The following USP7 variants were observed in gnomAD, a reference collection of about 807,000 sequenced individuals.
The protein encoded by USP7 is ubiquitin specific peptidase 7.
Under a neutral mutation model 162.9 loss-of-function variants are expected in USP7, and 9 were observed. The ratio of observed to expected loss-of-function variants is 0.06; its 90% confidence interval spans 0.03 to 0.10. The LOEUF is 0.10. Ranked by LOEUF, USP7 falls within the 10% of genes least tolerant of loss-of-function variation. The pLI is 1.00. For synonymous variants in USP7, 562 were observed against 475.9 expected, an observed-to-expected ratio of 1.18 and a Z score of -2.35; for missense variants, 715 against 1,373.7, an observed-to-expected ratio of 0.52 and a Z score of 7.58.
intron 27 of USP7, 103 bp from the exon 28 acceptor site, chr16:8,895,253 ATTT>A: frequency 6.4e-7 from 1 of 1,559,984 alleles, no homozygotes; most frequent in Non-Finnish European, 8.7e-7. Context: ...GGTAAAGCCT[ATTT>A]TTGCTAAAAA....
chr16:8,909,369 G>T (rs1257092120), intron 11 of USP7, among the ~76,000 whole-genome samples: 2 of 152,144 alleles, frequency 1.3e-5, no homozygotes, highest in African/African-American at 4.8e-5. Context: ...ATATGCCAAG[G>T]TTCTTTGGTG....
Position 8,922,202 on chromosome 16 carries a change from A to G in USP7, c.384-907T>C, listed in dbSNP as rs544070739. 9.8e-5 allele frequency among the ~76,000 whole-genome samples: 15 copies of G among 152,356 alleles called. No individual in the cohort carries two copies. In the South Asian group the frequency reaches 3.1e-3, roughly 32 times the overall value. On this transcript the variant is annotated intron_variant, in intron 3 of 30. Transcript: ENST00000344836. ...TACCTTAAACATTAAAGAAAATGAA[A>G]GTACGGCCAGGTGCGCTGGCTCACG...
At chr16:8,917,190 G>A in intron 6 of USP7, 34 bp from the exon 7 acceptor site, 1 of 1,568,908 alleles carries the variant, frequency 6.4e-7, no homozygotes, top group Non-Finnish European at 8.6e-7. Flanking sequence ...TTTTTACTCT[G>A]AGAAGATGCA....
Position 8,917,084 on chromosome 16 carries a change from A to G in USP7, c.793T>C (p.Tyr265His), listed in dbSNP as rs2141203991. 1.2e-6 allele frequency: 2 copies of G among 1,613,714 alleles called. No homozygotes were observed. Among genetic ancestry groups the G allele is most frequent in the Non-Finnish European group, 1.7e-6 (2 of 1,179,928 alleles). ...SVPLALQRVF[Y>H]ELQHSDKPVG... is the part of the protein sequence containing the mutation. ...GGTTTATCACTATGCTGTAATTCAT[A>G]GAACACTCTTTGTAATGCTAAAGGG... Residue 265 changes from tyrosine to histidine, a missense_variant, in exon 7 of 31, where the codon TAT becomes CAT. Transcript: ENST00000344836.
rs139520157 is a variant in USP7 at position 8,922,280 on chromosome 16, G to A, written c.383+935C>T. On this transcript the variant is annotated intron_variant, in intron 3 of 30. Transcript: ENST00000344836. ...GAGACAGGCAGATCACCTGAGGTCA[G>A]GAGTTCGAGACCAGCCTGGCCAACA... Among the ~76,000 whole-genome samples the A allele has an allele frequency of 1.9e-3, 296 of 152,350 alleles. 1 individual carries two copies. Among genetic ancestry groups the A allele is most frequent in the Middle Eastern group, 6.8e-3 (2 of 292 alleles).
intron 1 of USP7, among the ~76,000 whole-genome samples, chr16:8,938,645 G>C (rs1043190525): frequency 6.6e-6 from 1 of 151,734 alleles, no homozygotes; most frequent in Admixed American, 6.6e-5. Flanking sequence ...CTGGGAAGCA[G>C]AGTTGCAGTG....
intron 1 of USP7, among the ~76,000 whole-genome samples, chr16:8,937,517 G>C (rs1898817349): frequency 6.6e-6 from 1 of 152,100 alleles, no homozygotes; most frequent in Non-Finnish European, 1.5e-5. Context: ...ACTCCAGCCT[G>C]GGTGACAGAG....
At chr16:8,922,263 C>G (rs529409351) in intron 3 of USP7, among the ~76,000 whole-genome samples, 2 of 152,304 alleles carry the variant, frequency 1.3e-5, no homozygotes, top group East Asian at 3.9e-4. Context: ...CCGAGACAGG[C>G]AGATCACCTG....
chr16:8,963,122 G>A, intron 1 of USP7, 85 bp downstream of exon 1: 2 of 1,223,866 alleles, frequency 1.6e-6, no homozygotes, highest in Non-Finnish European at 2.1e-6. Context: ...TAAAGATGGC[G>A]AGCCCCTCGC....
At chr16:8,938,349 A>AAAAG (rs543242006) in intron 1 of USP7, among the ~76,000 whole-genome samples, 1 of 151,858 alleles carries the variant, frequency 6.6e-6, no homozygotes, top group Admixed American at 6.6e-5. Flanking sequence ...CAAAAAAAAA[A>AAAAG]AAAGAAAGAA....
intron 1 of USP7, among the ~76,000 whole-genome samples, chr16:8,961,428 G>A (rs1036330475): frequency 3.4e-5 from 5 of 145,214 alleles, no homozygotes; most frequent in African/African-American, 1.3e-4. Flanking sequence ...GGAGACGGAG[G>A]TTGTAGTGAC....
At chr16:8,897,722 A>ACATATATAT (rs71155415) in intron 25 of USP7, among the ~76,000 whole-genome samples, 4 of 21,622 alleles carry the variant, frequency 1.8e-4, no homozygotes, top group Non-Finnish European at 2.9e-4. Context: ...AAAAAAAAAA[A>ACATATATAT]AAAAATATAT....
At chr16:8,927,620 G>A (rs960877548) in intron 2 of USP7, among the ~76,000 whole-genome samples, 2 of 152,074 alleles carry the variant, frequency 1.3e-5, no homozygotes, top group African/African-American at 2.4e-5. Context: ...TGGATCACCT[G>A]AGGTCAGGTG....
rs113436337 is a variant in USP7, at chr16:8,932,610, A to C, written c.80-2213T>G. On this transcript the variant is annotated intron_variant, in intron 1 of 30. Transcript: ENST00000344836. ...TGCTCCAAATCAAATATACATGCTA[A>C]ATTTAAAAAAGAGAAAGAAAAGAAA... Among the ~76,000 whole-genome samples the C allele has an allele frequency of 2.7e-3, 236 of 88,238 alleles. 1 individual carries two copies. The highest frequency in any genetic ancestry group is 6.1e-3 in the Admixed American group (42 of 6,922). 57.9% of individuals were successfully genotyped at this position (88,238 alleles called of 152,430 possible). A position where few individuals can be genotyped will look rare whatever the true frequency, so the allele number is the denominator to read the frequency against.
intron 10 of USP7, among the ~76,000 whole-genome samples, chr16:8,912,620 G>T (rs1178033257): frequency 6.6e-6 from 1 of 150,792 alleles, no homozygotes; most frequent in African/African-American, 2.4e-5. Flanking sequence ...AAGTCCAAAG[G>T]AGAAGAAAGC....
chr16:8,928,837 T>C (rs1244503310), intron 2 of USP7, among the ~76,000 whole-genome samples: 2 of 152,096 alleles, frequency 1.3e-5, no homozygotes, highest in Non-Finnish European at 2.9e-5. Flanking sequence ...GGAAGGGGAC[T>C]TTACCCATAT....
intron 1 of USP7, among the ~76,000 whole-genome samples, 186 bp from the exon 2 acceptor site, chr16:8,930,583 T>A (rs1898264815): frequency 6.6e-6 from 1 of 152,216 alleles, no homozygotes; most frequent in African/African-American, 2.4e-5. Flanking sequence ...TTTCGCTGTT[T>A]CGAAACACTA....
At chr16:8,910,322 ACTC>A (rs2061926893) in intron 11 of USP7, among the ~76,000 whole-genome samples, 1 of 152,084 alleles carries the variant, frequency 6.6e-6, no homozygotes, top group South Asian at 2.1e-4. Context: ...AGAACACACT[ACTC>A]ATTCTAAAGT....
chr16:8,895,220 T>C (rs905044466), intron 27 of USP7, 70 bp from the exon 28 acceptor site: 7 of 1,609,128 alleles, frequency 4.4e-6, no homozygotes, highest in Non-Finnish European at 5.9e-6. Flanking sequence ...ACATCTCAAT[T>C]CTCACACTAC....
Sources: allele counts gnomAD v4.1 joint callset (sites outside exome capture counted in the v4.1 genomes callset), GRCh38; gene constraint gnomAD v4.1.1; transcripts MANE v1.5; gene names NCBI Gene and HGNC (gene_info 2026-07-23, HGNC 2026-07-21).